Variants in UBTD1 observed in about 807,000 individuals in gnomAD.
UBTD1 encodes the protein ubiquitin domain containing 1, also known as ubiquitin domain-containing protein 1.
UBTD1 carries 19 observed loss-of-function variants against 21.7 expected under a neutral mutation model. The observed-to-expected ratio is 0.87, with a 90% confidence interval of 0.61 to 1.28. The LOEUF (loss-of-function observed/expected upper bound fraction) is 1.28, where lower values mean the gene tolerates loss of function less well. Among genes scored for constraint, UBTD1 ranks in the 50% most tolerant of loss-of-function variants. UBTD1 has a pLI of 0.00. For synonymous variants in UBTD1, 116 were observed against 135.1 expected, an observed-to-expected ratio of 0.86 and a Z score of 0.98; for missense variants, 282 against 315.1, an observed-to-expected ratio of 0.89 and a Z score of 0.80.
chr10:97,522,201 C>T (rs1348484630), intron 1 of UBTD1, among the ~76,000 whole-genome samples: 1 of 152,244 alleles, frequency 6.6e-6, no homozygotes, highest in African/African-American at 2.4e-5. Flanking sequence ...CAGCTGCCCA[C>T]GCAATGTGGG....
chr10:97,545,102 A>AGG (rs2135677018), intron 1 of UBTD1, among the ~76,000 whole-genome samples: 1 of 151,932 alleles, frequency 6.6e-6, no homozygotes, highest in Admixed American at 6.6e-5. Context: ...TGGGAGGCTG[A>AGG]GGTGGGTGGA....
intron 1 of UBTD1, among the ~76,000 whole-genome samples, chr10:97,526,145 G>A (rs941859351): frequency 6.6e-6 from 1 of 152,184 alleles, no homozygotes; most frequent in Admixed American, 6.5e-5. Flanking sequence ...TGTTTGGGGC[G>A]AAGCAGAGGA....
intron 1 of UBTD1, among the ~76,000 whole-genome samples, chr10:97,534,877 G>T (rs1015773809): frequency 6.6e-6 from 1 of 152,176 alleles, no homozygotes; most frequent in African/African-American, 2.4e-5. Flanking sequence ...ATGATGTCAA[G>T]CTCTCAGTCC....
chr10:97,540,950 C>G (rs1013662016), intron 1 of UBTD1, among the ~76,000 whole-genome samples: 1 of 152,188 alleles, frequency 6.6e-6, no homozygotes, highest in East Asian at 1.9e-4. Context: ...GGGCTGGAGG[C>G]AGCGCTGCTT....
chr10:97,535,425 C>A (rs1265937189), intron 1 of UBTD1, among the ~76,000 whole-genome samples: 1 of 152,144 alleles, frequency 6.6e-6, no homozygotes, highest in African/African-American at 2.4e-5. Context: ...ACCATCCTGG[C>A]TAACACAGTG....
intron 1 of UBTD1, among the ~76,000 whole-genome samples, chr10:97,541,997 A>G (rs2040589381): frequency 6.6e-6 from 1 of 151,908 alleles, no homozygotes; most frequent in Non-Finnish European, 1.5e-5. Context: ...CGGCCTCCCA[A>G]AATGCTGGGA....
intron 1 of UBTD1, among the ~76,000 whole-genome samples, chr10:97,516,159 CA>C (rs1252482197): frequency 1.3e-5 from 2 of 152,184 alleles, no homozygotes; most frequent in African/African-American, 4.8e-5. Context: ...CAGGTTCGCT[CA>C]GGGGAAAGGG....
At chr10:97,554,454 C>T (rs1042481208) in intron 1 of UBTD1, among the ~76,000 whole-genome samples, 1 of 152,034 alleles carries the variant, frequency 6.6e-6, no homozygotes, top group Admixed American at 6.6e-5. Context: ...TCCATGTTGA[C>T]CAGGCTGGTC....
chr10:97,561,601 A>G (rs1266272166), intron 1 of UBTD1, among the ~76,000 whole-genome samples: 2 of 152,124 alleles, frequency 1.3e-5, no homozygotes, highest in Admixed American at 6.5e-5. Flanking sequence ...TCTTCTATAC[A>G]ATGTCTGGAA....
chr10:97,545,532 A>C (rs2040606931), intron 1 of UBTD1, among the ~76,000 whole-genome samples: 1 of 152,010 alleles, frequency 6.6e-6, no homozygotes, highest in African/African-American at 2.4e-5. Context: ...AATATATAAC[A>C]CGTATGTGTT....
chr10:97,499,168 C>G lies in UBTD1; in HGVS notation c.-36C>G. 1 of 1,511,238 alleles carries G rather than the reference C, an allele frequency of 6.6e-7. No individual in the cohort carries two copies. The highest frequency in any genetic ancestry group is 8.9e-7 in the Non-Finnish European group (1 of 1,126,326). 93.6% of individuals were successfully genotyped at this position (1,511,238 alleles called of 1,614,324 possible). A position where few individuals can be genotyped will look rare whatever the true frequency, so the allele number is the denominator to read the frequency against. ...TCCGCTGAGCAGCCGACCACCCCGC[C>G]GCCTCCGGTGCATGGGGACTGGCTG... On this transcript the variant is annotated 5_prime_UTR_variant, in exon 1 of 3. Transcript: ENST00000370664.
intron 1 of UBTD1, among the ~76,000 whole-genome samples, chr10:97,565,679 A>G (rs180760504): frequency 6.6e-4 from 101 of 152,040 alleles, no homozygotes; most frequent in Non-Finnish European, 1.4e-3. Context: ...CCGAATCTCA[A>G]TTATATTGTA....
chr10:97,533,482 A>G (rs1407259660), intron 1 of UBTD1, among the ~76,000 whole-genome samples: 1 of 152,124 alleles, frequency 6.6e-6, no homozygotes, highest in African/African-American at 2.4e-5. Context: ...GGGTGGGAGA[A>G]GGGTACGAGG....
In UBTD1 at chr10:97,564,321, C is replaced by T. The variant is rs116327705; in HGVS notation, c.71-3593C>T. Among the ~76,000 whole-genome samples the T allele has an allele frequency of 2.5e-3, 377 of 152,280 alleles. 2 individuals carry two copies. Among genetic ancestry groups the T allele is most frequent in the African/African-American group, 8.6e-3 (357 of 41,550 alleles). On this transcript the variant is annotated intron_variant, in intron 1 of 2. Coordinates refer to ENST00000370664, the MANE Select transcript of UBTD1 (RefSeq NM_024954.5). Reference sequence around the variant, plus strand: ...TAAAAGTTCAAATGGACTGTACCTTCAAATGGACTGTGACATATTTCGAAA... The same window carrying T: ...TAAAAGTTCAAATGGACTGTACCTTTAAATGGACTGTGACATATTTCGAAA...
chr10:97,560,410 A>G (rs2040686759), intron 1 of UBTD1, among the ~76,000 whole-genome samples: 1 of 152,190 alleles, frequency 6.6e-6, no homozygotes, highest in South Asian at 2.1e-4. Flanking sequence ...GACCTTGTTT[A>G]GTCTAAATTA....
intron 1 of UBTD1, among the ~76,000 whole-genome samples, chr10:97,505,666 T>A (rs2040395510): frequency 6.6e-6 from 1 of 152,192 alleles, no homozygotes; most frequent in Non-Finnish European, 1.5e-5. Context: ...TAGTTGTTTG[T>A]GTGACTTTGG....
chr10:97,530,284 C>T (rs1259722269), intron 1 of UBTD1, among the ~76,000 whole-genome samples: 2 of 152,142 alleles, frequency 1.3e-5, no homozygotes, highest in Non-Finnish European at 1.5e-5. Flanking sequence ...ATAAGAAATG[C>T]ATCCTGAGCT....
chr10:97,552,273 C>T (rs1194297048), intron 1 of UBTD1, among the ~76,000 whole-genome samples: 2 of 151,358 alleles, frequency 1.3e-5, no homozygotes, highest in East Asian at 3.9e-4. Context: ...CCTCAGGAGG[C>T]GGAGGTGGGA....
intron 1 of UBTD1, among the ~76,000 whole-genome samples, chr10:97,532,507 G>T (rs1054298810): frequency 6.6e-6 from 1 of 151,534 alleles, no homozygotes; most frequent in Non-Finnish European, 1.5e-5. Flanking sequence ...AATTAGCCAG[G>T]CGAGGCTAGT....
Sources: gnomAD v4.1 joint callset for allele counts (sites outside exome capture counted in the v4.1 genomes callset) on GRCh38, gnomAD v4.1.1 for gene constraint, MANE v1.5 for transcripts, NCBI Gene and HGNC (gene_info 2026-07-23, HGNC 2026-07-21) for gene names.